ZNF385D: variants seen among roughly 807,000 people sequenced by gnomAD.
ZNF385D encodes zinc finger protein 659.
Under a neutral mutation model 35.8 loss-of-function variants are expected in ZNF385D, and 15 were observed. The ratio of observed to expected loss-of-function variants is 0.42; its 90% confidence interval spans 0.28 to 0.64. ZNF385D has a LOEUF of 0.64. ZNF385D is among the 30% of genes least tolerant of loss of function. The pLI, the probability that ZNF385D is intolerant of heterozygous loss-of-function variation, is 0.23. For synonymous variants in ZNF385D, 212 were observed against 186.8 expected, an observed-to-expected ratio of 1.13 and a Z score of -1.10; for missense variants, 474 against 494.6, an observed-to-expected ratio of 0.96 and a Z score of 0.39.
intron 3 of ZNF385D, among the ~76,000 whole-genome samples, chr3:22,008,107 T>C (rs1170712110): frequency 7.9e-5 from 12 of 152,090 alleles, no homozygotes; most frequent in Non-Finnish European, 1.8e-4. Context: ...ATGATTTAGT[T>C]GACCCTTTAT....
chr3:21,565,901 CATATT>C (rs1392285004), intron 2 of ZNF385D, among the ~76,000 whole-genome samples: 4 of 152,144 alleles, frequency 2.6e-5, no homozygotes, highest in African/African-American at 9.7e-5. Context: ...CCTTCTGTGA[CATATT>C]ATAGTTCATT....
chr3:21,648,203 G>A (rs1168790492), intron 2 of ZNF385D, among the ~76,000 whole-genome samples: 1 of 152,094 alleles, frequency 6.6e-6, no homozygotes, highest in Non-Finnish European at 1.5e-5. Context: ...CCCCCATACT[G>A]TTCTTGTGAT....
intron 1 of ZNF385D, among the ~76,000 whole-genome samples, chr3:21,733,381 C>A (rs1264323275): frequency 1.3e-5 from 2 of 152,154 alleles, no homozygotes. Context: ...TGCCTCTCCA[C>A]AGAAACTTTA....
At chr3:21,844,627 C>T (rs551454669) in intron 3 of ZNF385D, among the ~76,000 whole-genome samples, 1 of 152,044 alleles carries the variant, frequency 6.6e-6, no homozygotes, top group African/African-American at 2.4e-5. Flanking sequence ...AACATTCAAT[C>T]CAAATTCAGT....
intron 3 of ZNF385D, among the ~76,000 whole-genome samples, chr3:21,759,614 A>G (rs895796401): frequency 2.6e-5 from 4 of 152,196 alleles, no homozygotes; most frequent in Non-Finnish European, 5.9e-5. Context: ...AGCAGGCTGA[A>G]AGATCTTATA....
At chr3:21,435,255 A>ATTTT (rs3064965) in intron 5 of ZNF385D, among the ~76,000 whole-genome samples, 2,388 of 113,364 alleles carry the variant, frequency 0.021, 130 homozygotes, top group African/African-American at 0.072. Flanking sequence ...ACAACTCCCA[A>ATTTT]TTTTTTTTTT....
At chr3:22,252,832 T>G (rs1398631057) in intron 2 of ZNF385D, among the ~76,000 whole-genome samples, 4 of 152,072 alleles carry the variant, frequency 2.6e-5, no homozygotes, top group African/African-American at 7.2e-5. Context: ...GGTATATTGC[T>G]GAGTTGAGAA....
intron 3 of ZNF385D, among the ~76,000 whole-genome samples, chr3:21,928,166 A>G (rs549490466): frequency 9.2e-5 from 14 of 152,106 alleles, no homozygotes; most frequent in African/African-American, 3.4e-4. Context: ...TGCTATCTTC[A>G]CATGACTGCA....
chr3:21,578,310 G>A (rs1340146100), intron 2 of ZNF385D, among the ~76,000 whole-genome samples: 8 of 152,020 alleles, frequency 5.3e-5, no homozygotes. Flanking sequence ...TTCTTTTGCT[G>A]TGCAGAAGCT....
At chr3:21,575,528 C>A (rs1287263059) in intron 2 of ZNF385D, among the ~76,000 whole-genome samples, 1 of 152,140 alleles carries the variant, frequency 6.6e-6, no homozygotes, top group Non-Finnish European at 1.5e-5. Context: ...ACCAAGCTCT[C>A]TTTTACCTTT....
At chr3:22,240,610 T>C (rs1167640457) in intron 2 of ZNF385D, among the ~76,000 whole-genome samples, 1 of 151,042 alleles carries the variant, frequency 6.6e-6, no homozygotes, top group Non-Finnish European at 1.5e-5. Flanking sequence ...GTAAGAAAGA[T>C]GCCAGGGCCA....
At chr3:21,854,294 C>A (rs1312467278) in intron 3 of ZNF385D, among the ~76,000 whole-genome samples, 5 of 151,918 alleles carry the variant, frequency 3.3e-5, no homozygotes, top group African/African-American at 1.2e-4. Flanking sequence ...ACTTTCAATG[C>A]CCACCTCCAC....
intron 2 of ZNF385D, among the ~76,000 whole-genome samples, chr3:22,180,765 A>C (rs1695187771): frequency 6.6e-6 from 1 of 152,172 alleles, no homozygotes; most frequent in African/African-American, 2.4e-5. Context: ...TCAATAAATT[A>C]GGTATTGATG....
At chr3:22,300,360 T>C (rs1702830887) in intron 2 of ZNF385D, among the ~76,000 whole-genome samples, 1 of 150,086 alleles carries the variant, frequency 6.7e-6, no homozygotes, top group South Asian at 2.1e-4. Context: ...GGGGTACAAT[T>C]TCCTGACATT....
intron 3 of ZNF385D, among the ~76,000 whole-genome samples, chr3:22,129,047 C>T (rs1703617129): frequency 6.6e-6 from 1 of 152,200 alleles, no homozygotes; most frequent in Non-Finnish European, 1.5e-5. Flanking sequence ...CATTAGGCAG[C>T]ACCCTATGCC....
At chr3:22,117,499 C>A (rs1034177391) in intron 3 of ZNF385D, among the ~76,000 whole-genome samples, 1 of 151,528 alleles carries the variant, frequency 6.6e-6, no homozygotes, top group Non-Finnish European at 1.5e-5. Flanking sequence ...TCTTGTTCAA[C>A]CAAAATTGGC....
At chr3:22,321,733 C>T (rs1025503072) in intron 2 of ZNF385D, among the ~76,000 whole-genome samples, 2 of 152,088 alleles carry the variant, frequency 1.3e-5, no homozygotes, top group African/African-American at 4.8e-5. Flanking sequence ...TTACTTATTT[C>T]AAATGCTATT....
chr3:22,284,347 C>G (rs1358200926), intron 2 of ZNF385D, among the ~76,000 whole-genome samples: 4 of 152,030 alleles, frequency 2.6e-5, no homozygotes, highest in Non-Finnish European at 5.9e-5. Flanking sequence ...TGCCACCACA[C>G]CCGGCTATTC....
intron 3 of ZNF385D, among the ~76,000 whole-genome samples, chr3:21,805,304 T>C (rs531950105): frequency 1.3e-5 from 2 of 150,190 alleles, no homozygotes; most frequent in African/African-American, 4.9e-5. Context: ...TTCTTGTAAA[T>C]GTGGGTGTTT....
Sources: gnomAD v4.1 joint callset for allele counts (sites outside exome capture counted in the v4.1 genomes callset) on GRCh38, gnomAD v4.1.1 for gene constraint, MANE v1.5 for transcripts, NCBI Gene and HGNC (gene_info 2026-07-23, HGNC 2026-07-21) for gene names.